The following EPHB1 variants were observed in gnomAD, a reference collection of about 807,000 sequenced individuals.
EPHB1 encodes the protein EPH receptor B1.
EPHB1 carries 30 observed loss-of-function variants against 94.4 expected under a neutral mutation model. The ratio of observed to expected loss-of-function variants is 0.32; its 90% CI spans 0.24 to 0.43. The LOEUF is 0.43. Among genes scored for constraint, EPHB1 ranks in the 20% least tolerant of loss-of-function variants. EPHB1 has a pLI of 1.00. For synonymous variants in EPHB1, 522 were observed against 489.1 expected (o/e 1.07, Z -0.89); for missense variants, 1,055 against 1,308.3 (o/e 0.81, Z 2.99).
intron 3 of EPHB1, among the ~76,000 whole-genome samples, chr3:135,086,300 T>G (rs980021469): frequency 1.3e-5 from 2 of 150,944 alleles, no homozygotes; most frequent in African/African-American, 2.4e-5. Context: ...GAGTGAGGAA[T>G]TGGTAGGCAC....
chr3:135,142,523 A>G (rs1940861954), intron 5 of EPHB1, among the ~76,000 whole-genome samples: 1 of 152,220 alleles, frequency 6.6e-6, no homozygotes, highest in South Asian at 2.1e-4. Context: ...ATGGATAATA[A>G]TGGATATGAA....
intron 3 of EPHB1, among the ~76,000 whole-genome samples, chr3:135,041,730 C>G (rs1213145537): frequency 6.6e-6 from 1 of 152,178 alleles, no homozygotes; most frequent in Non-Finnish European, 1.5e-5. Flanking sequence ...CAGAATACCA[C>G]AGACTGTGTA....
intron 3 of EPHB1, among the ~76,000 whole-genome samples, chr3:135,068,163 G>T (rs988832456): frequency 6.6e-5 from 10 of 152,128 alleles, no homozygotes; most frequent in Non-Finnish European, 1.5e-4. Context: ...AATTCATGAT[G>T]CAAGCCTCCA....
chr3:135,065,054 G>A (rs1388988129), intron 3 of EPHB1, among the ~76,000 whole-genome samples: 2 of 152,042 alleles, frequency 1.3e-5, no homozygotes, highest in Non-Finnish European at 2.9e-5. Context: ...ATTCCACTGT[G>A]GTCTGAGAGA....
chr3:135,032,484 T>G (rs951072625), intron 3 of EPHB1, among the ~76,000 whole-genome samples: 5 of 152,230 alleles, frequency 3.3e-5, no homozygotes, highest in African/African-American at 9.6e-5. Context: ...CTGCTTTGCT[T>G]CTTTTTCTTC....
chr3:135,174,866 G>A (rs188416518), intron 9 of EPHB1, among the ~76,000 whole-genome samples: 11 of 152,176 alleles, frequency 7.2e-5, no homozygotes, highest in Admixed American at 3.3e-4. Context: ...AAACCTGCTG[G>A]GACACAAAAA....
chr3:134,955,804 T>C (rs980844435), intron 3 of EPHB1, among the ~76,000 whole-genome samples: 1 of 152,366 alleles, frequency 6.6e-6, no homozygotes, highest in East Asian at 1.9e-4. Flanking sequence ...GACCTCATCA[T>C]GCATTTGTCT....
At chr3:134,890,242 A>G (rs1180644038) in intron 1 of EPHB1, among the ~76,000 whole-genome samples, 3 of 152,212 alleles carry the variant, frequency 2.0e-5, no homozygotes, top group African/African-American at 7.2e-5. Flanking sequence ...CCAGATGTTT[A>G]TAAATTTTAT....
intron 6 of EPHB1, among the ~76,000 whole-genome samples, chr3:135,156,963 C>G (rs911826220): frequency 1.2e-4 from 18 of 152,178 alleles, no homozygotes; most frequent in African/African-American, 4.3e-4. Context: ...TGAAATAACA[C>G]CTCATCTCAG....
intron 3 of EPHB1, among the ~76,000 whole-genome samples, chr3:135,025,236 G>T: frequency 2.3e-5 from 2 of 88,536 alleles, no homozygotes; most frequent in South Asian, 4.3e-4. Context: ...TATACTTTAA[G>T]TTTTAGGGTA....
intron 3 of EPHB1, among the ~76,000 whole-genome samples, chr3:134,989,296 T>C (rs1934707039): frequency 6.6e-6 from 1 of 152,182 alleles, no homozygotes; most frequent in Non-Finnish European, 1.5e-5. Flanking sequence ...AGAGGGAGAT[T>C]CTGAAGATTT....
At chr3:134,969,551 T>C (rs1048623659) in intron 3 of EPHB1, among the ~76,000 whole-genome samples, 1 of 152,172 alleles carries the variant, frequency 6.6e-6, no homozygotes, top group African/African-American at 2.4e-5. Flanking sequence ...AAGGCCTTCA[T>C]TTAAGGAAGA....
At chr3:134,811,242 G>GGTTTTT (rs2036168294) in intron 1 of EPHB1, among the ~76,000 whole-genome samples, 13 of 73,894 alleles carry the variant, frequency 1.8e-4, no homozygotes, top group African/African-American at 5.4e-4. Context: ...TACTAAGAAG[G>GGTTTTT]TTTTTTTTTT....
At chr3:135,198,203 A>G (rs912562781) in intron 11 of EPHB1, among the ~76,000 whole-genome samples, 2 of 152,318 alleles carry the variant, frequency 1.3e-5, no homozygotes, top group African/African-American at 4.8e-5. Flanking sequence ...TTACCAGTTG[A>G]TCGGAGATGG....
intron 10 of EPHB1, among the ~76,000 whole-genome samples, chr3:135,189,192 A>G (rs1285488494): frequency 1.3e-5 from 2 of 152,098 alleles, no homozygotes; most frequent in African/African-American, 2.4e-5. Flanking sequence ...CTCCTCTCAC[A>G]TCTATAAAGT....
chr3:134,859,000 G>A (rs974610456), intron 1 of EPHB1, among the ~76,000 whole-genome samples: 1 of 152,194 alleles, frequency 6.6e-6, no homozygotes, highest in African/African-American at 2.4e-5. Flanking sequence ...CTGCCCTCAC[G>A]GTGACTGAAG....
intron 12 of EPHB1, among the ~76,000 whole-genome samples, chr3:135,234,871 T>C (rs1236893605): frequency 1.3e-5 from 2 of 152,110 alleles, no homozygotes; most frequent in Non-Finnish European, 2.9e-5. Flanking sequence ...CTTCATACAA[T>C]AAGTGGGGAT....
intron 3 of EPHB1, among the ~76,000 whole-genome samples, chr3:135,094,408 G>T (rs534136191): frequency 1.3e-5 from 2 of 152,172 alleles, no homozygotes; most frequent in South Asian, 4.1e-4. Context: ...CAGAATGTCG[G>T]GTGTCTGTGG....
chr3:135,112,133 C>A (rs1939472429), intron 4 of EPHB1, among the ~76,000 whole-genome samples: 1 of 152,164 alleles, frequency 6.6e-6, no homozygotes. Context: ...GAAACTGAAA[C>A]AGAAGGAAAG....
Sources: allele counts gnomAD v4.1 joint callset (sites outside exome capture counted in the v4.1 genomes callset), GRCh38; gene constraint gnomAD v4.1.1; transcripts MANE v1.5; gene names NCBI Gene and HGNC (gene_info 2026-07-23, HGNC 2026-07-21).